Variants in CLDN16 observed in about 807,000 individuals in gnomAD.
CLDN16 encodes claudin-16.
In CLDN16, 13 loss-of-function variants were observed where a neutral mutation model predicts 24.6. That is an observed-to-expected ratio of 0.53 (90% CI 0.34 to 0.84). The LOEUF (loss-of-function observed/expected upper bound fraction) is 0.84. Ranked by LOEUF, CLDN16 falls within the 40% of genes least tolerant of loss-of-function variation. The pLI, the probability that CLDN16 is intolerant of heterozygous loss-of-function variation, is 0.01. For synonymous variants in CLDN16, 116 were observed against 106.7 expected (o/e 1.09, Z -0.54); for missense variants, 298 against 292.7 (o/e 1.02, Z -0.13).
upstream of CLDN16, among the ~76,000 whole-genome samples, chr3:190,384,442 A>T (rs1432024563): frequency 6.6e-6 from 1 of 152,158 alleles, no homozygotes; most frequent in Non-Finnish European, 1.5e-5. Flanking sequence ...TTCTACAATT[A>T]CTTCCTTTAA....
At position 190,368,998 on chromosome 3, in the gene CLDN16, T is replaced by C. The variant is rs1718080561; in HGVS notation, n.122-1895T>C. Among the ~76,000 whole-genome samples, 3 of 151,962 alleles carry C rather than the reference T, an allele frequency of 2.0e-5. 1 individual carries two copies. Among genetic ancestry groups the C allele is most frequent in the African/African-American group, 7.2e-5 (3 of 41,420 alleles). On this transcript the variant is annotated intron_variant and non_coding_transcript_variant, in intron 1 of 4. Transcript: ENST00000468220. ...TGTGTTATTAGACCAAAAATGATAG[T>C]CTTGTAAAACATCTTTCAGCCTCTG...
intron 3 of CLDN16, among the ~76,000 whole-genome samples, chr3:190,376,968 G>A (rs574318899): frequency 7.2e-4 from 109 of 151,954 alleles, no homozygotes; most frequent in Non-Finnish European, 1.0e-3. Context: ...ACTAACTATC[G>A]GATGATGAAA....
chr3:190,330,952 G>T (rs1026796401), intron 1 of CLDN16, among the ~76,000 whole-genome samples: 1 of 152,120 alleles, frequency 6.6e-6, no homozygotes, highest in Non-Finnish European at 1.5e-5. Flanking sequence ...AGAAACAACT[G>T]CTTATTCTAT....
chr3:190,348,858 A>G (rs1419263152), intron 1 of CLDN16, among the ~76,000 whole-genome samples: 1 of 152,082 alleles, frequency 6.6e-6, no homozygotes, highest in African/African-American at 2.4e-5. Context: ...GTTGTTTCCC[A>G]CTATGTGGCC....
intron 1 of CLDN16, among the ~76,000 whole-genome samples, chr3:190,350,344 T>TATATATATATATCTA (rs1560085135): frequency 7.0e-6 from 1 of 142,034 alleles, no homozygotes; most frequent in African/African-American, 2.6e-5. Context: ...GTTCATAATG[T>TATATATATATATCTA]TATATATATA....
chr3:190,306,954 G>A, the CLDN16 span: 4 of 152,662 alleles, frequency 2.6e-5, no homozygotes, highest in East Asian at 7.7e-4. Context: ...GAGAGAGGAA[G>A]GCAGTGAATC....
chr3:190,333,087 C>G (rs1343140108), intron 1 of CLDN16, among the ~76,000 whole-genome samples: 1 of 152,078 alleles, frequency 6.6e-6, no homozygotes, highest in African/African-American at 2.4e-5. Flanking sequence ...CAGACCATAC[C>G]CAAATAAACC....
intron 3 of CLDN16, among the ~76,000 whole-genome samples, chr3:190,379,146 T>G (rs1281031260): frequency 1.3e-5 from 2 of 152,098 alleles, no homozygotes; most frequent in African/African-American, 2.4e-5. Flanking sequence ...ACTGAACAAT[T>G]GTCAAAGTTT....
chr3:190,334,212 A>G (rs1176008662), intron 1 of CLDN16, among the ~76,000 whole-genome samples: 1 of 152,236 alleles, frequency 6.6e-6, no homozygotes, highest in East Asian at 1.9e-4. Flanking sequence ...GGATAAAACT[A>G]TACGTGTGTG....
chr3:190,325,680 G>A (rs1201632330), intron 1 of CLDN16, among the ~76,000 whole-genome samples: 1 of 152,156 alleles, frequency 6.6e-6, no homozygotes, highest in Non-Finnish European at 1.5e-5. Flanking sequence ...AAAGAACCAA[G>A]CCTCTAAGAG....
At chr3:190,401,171 A>G (rs139260108) in intron 1 of CLDN16, among the ~76,000 whole-genome samples, 3 of 152,286 alleles carry the variant, frequency 2.0e-5, no homozygotes, top group African/African-American at 4.8e-5. Context: ...AAGCAGTAGA[A>G]TTTTATTTGG....
At chr3:190,300,030 A>G in the CLDN16 span, among the ~76,000 whole-genome samples, 15 of 152,180 alleles carry the variant, frequency 9.9e-5, no homozygotes, top group African/African-American at 3.4e-4. Context: ...TCTGTCTACT[A>G]CCTACCTTGG....
intron 3 of CLDN16, among the ~76,000 whole-genome samples, chr3:190,381,113 C>T (rs1402671986): frequency 6.6e-6 from 1 of 152,018 alleles, no homozygotes; most frequent in Non-Finnish European, 1.5e-5. Context: ...ATTCAGGAAG[C>T]CATTAGAAGA....
chr3:190,349,957 G>A (rs961641773), intron 1 of CLDN16, among the ~76,000 whole-genome samples: 2 of 152,106 alleles, frequency 1.3e-5, no homozygotes, highest in Admixed American at 6.6e-5. Flanking sequence ...TGAAGGATTG[G>A]TCTTAAAACC....
the CLDN16 span, among the ~76,000 whole-genome samples, chr3:190,294,698 A>T: frequency 6.6e-6 from 1 of 152,188 alleles, no homozygotes; most frequent in East Asian, 1.9e-4. Context: ...TCTGAAGAAC[A>T]TTTTTTACCC....
intron 1 of CLDN16, among the ~76,000 whole-genome samples, chr3:190,395,925 A>G (rs1400237874): frequency 2.6e-5 from 4 of 152,148 alleles, no homozygotes; most frequent in African/African-American, 4.8e-5. Context: ...ACACACACAG[A>G]CATAATTTCC....
chr3:190,336,406 C>T (rs574962544), intron 1 of CLDN16, among the ~76,000 whole-genome samples: 20 of 152,314 alleles, frequency 1.3e-4, no homozygotes, highest in African/African-American at 4.1e-4. Context: ...GGTGCATACT[C>T]GAACATCCCT....
At chr3:190,323,427 G>A (rs141622541) in intron 1 of CLDN16, among the ~76,000 whole-genome samples, 14 of 152,208 alleles carry the variant, frequency 9.2e-5, no homozygotes, top group African/African-American at 3.1e-4. Context: ...TCACCCCTCC[G>A]GTTTCGGTCT....
chr3:190,369,073 T>C (rs1367424857), intron 1 of CLDN16, among the ~76,000 whole-genome samples: 2 of 151,988 alleles, frequency 1.3e-5, no homozygotes, highest in East Asian at 1.9e-4. Flanking sequence ...CTCCTTTCCA[T>C]TGTTCTGGGT....
Sources: allele counts gnomAD v4.1 joint callset (sites outside exome capture counted in the v4.1 genomes callset), GRCh38; gene constraint gnomAD v4.1.1; transcripts MANE v1.5; gene names NCBI Gene and HGNC (gene_info 2026-07-23, HGNC 2026-07-21).